The following SLC2A9 variants were observed in gnomAD, a reference collection of about 807,000 sequenced individuals.
SLC2A9 encodes solute carrier family 2 member 9.
In SLC2A9, 39 loss-of-function variants were observed where a neutral mutation model predicts 50.6. That is an observed-to-expected ratio of 0.77 (90% CI 0.60 to 1.01). SLC2A9 has a LOEUF of 1.01. SLC2A9 is among the 50% of genes least tolerant of loss of function. SLC2A9 has a pLI of 0.00. For synonymous variants in SLC2A9, 324 were observed against 276.9 expected, an observed-to-expected ratio of 1.17 and a Z score of -1.69; for missense variants, 686 against 677.6, an observed-to-expected ratio of 1.01 and a Z score of -0.14.
chr4:9,965,852 A>G (rs1245192199), intron 5 of SLC2A9, among the ~76,000 whole-genome samples: 1 of 152,234 alleles, frequency 6.6e-6, no homozygotes, highest in South Asian at 2.1e-4. Context: ...AATTAATGAC[A>G]TCAACTCAAA....
chr4:9,808,816 T>C (rs1722470308), intron 3 of SLC2A9, among the ~76,000 whole-genome samples: 1 of 152,202 alleles, frequency 6.6e-6, no homozygotes, highest in Admixed American at 6.5e-5. Flanking sequence ...CTCTGTCCTA[T>C]GTGGACTTGG....
At chr4:9,905,523 G>A (rs1740500231) in intron 8 of SLC2A9, among the ~76,000 whole-genome samples, 1 of 152,196 alleles carries the variant, frequency 6.6e-6, no homozygotes, top group South Asian at 2.1e-4. Context: ...TCTGATTTTA[G>A]AAAGGACTCT....
At chr4:10,007,482 C>A (rs1201273768) in intron 2 of SLC2A9, among the ~76,000 whole-genome samples, 1 of 152,200 alleles carries the variant, frequency 6.6e-6, no homozygotes, top group East Asian at 1.9e-4. Flanking sequence ...TTCCCCTCAG[C>A]CACCTTTGCA....
intron 1 of SLC2A9, chr4:10,035,135 C>G (rs982776150): frequency 3.3e-5 from 5 of 152,254 alleles, no homozygotes; most frequent in African/African-American, 4.8e-5. Flanking sequence ...ACTGCCACCC[C>G]GCAGGTTTCC....
intron 5 of SLC2A9, among the ~76,000 whole-genome samples, chr4:9,944,070 G>T (rs889718121): frequency 2.6e-5 from 4 of 152,222 alleles, no homozygotes; most frequent in African/African-American, 4.8e-5. Flanking sequence ...TTTTGGAGCT[G>T]CCACTGGGTG....
intron 5 of SLC2A9, among the ~76,000 whole-genome samples, chr4:9,955,590 T>G (rs1751109288): frequency 6.6e-6 from 1 of 152,062 alleles, no homozygotes. Flanking sequence ...AAGTGTACTT[T>G]ACTTCCTTTC....
chr4:9,898,694 T>G (rs55801162), intron 8 of SLC2A9, among the ~76,000 whole-genome samples: 32,046 of 152,184 alleles, frequency 0.21, 3,848 homozygotes, highest in African/African-American at 0.33. Flanking sequence ...CTTGCCTGGC[T>G]TGATGCTTCT....
chr4:9,872,757 C>T (rs182611868), intron 10 of SLC2A9, among the ~76,000 whole-genome samples: 13 of 152,330 alleles, frequency 8.5e-5, no homozygotes, highest in East Asian at 3.9e-4. Context: ...GAATTCACTA[C>T]GCAGACATGA....
chr4:10,025,862 G>A (rs112585359), upstream of SLC2A9: 364 of 1,597,416 alleles, frequency 2.3e-4, 1 homozygote, highest in African/African-American at 3.7e-3. Context: ...CTGGGTGACC[G>A]GAATAATCAT....
chr4:9,907,253 C>A (rs1740851896), intron 8 of SLC2A9, among the ~76,000 whole-genome samples: 1 of 152,232 alleles, frequency 6.6e-6, no homozygotes, highest in African/African-American at 2.4e-5. Flanking sequence ...AGAAGAGACA[C>A]AAGCATTTCA....
intron 3 of SLC2A9, among the ~76,000 whole-genome samples, chr4:9,994,532 T>C (rs935817716): frequency 6.6e-6 from 1 of 151,714 alleles, no homozygotes; most frequent in African/African-American, 2.4e-5. Flanking sequence ...GAAGGTATTT[T>C]CAAAGTTGTT....
chr4:9,978,812 T>C (rs147941067), intron 5 of SLC2A9, among the ~76,000 whole-genome samples: 19 of 152,350 alleles, frequency 1.2e-4, no homozygotes, highest in African/African-American at 4.3e-4. Flanking sequence ...GTGACCTCGA[T>C]TGGCTGAAAT....
chr4:9,836,167 G>C (rs1003197238), intron 10 of SLC2A9, among the ~76,000 whole-genome samples: 1 of 151,204 alleles, frequency 6.6e-6, no homozygotes, highest in East Asian at 1.9e-4. Flanking sequence ...TGGGAGGGGG[G>C]TGAGTTATAA....
chr4:9,842,515 A>G (rs1728239678), intron 10 of SLC2A9, among the ~76,000 whole-genome samples: 1 of 152,210 alleles, frequency 6.6e-6, no homozygotes, highest in African/African-American at 2.4e-5. Context: ...TCGGAAACTG[A>G]AATTTCAGGG....
chr4:9,822,416 T>C (rs745850329), downstream of SLC2A9, among the ~76,000 whole-genome samples: 15 of 152,218 alleles, frequency 9.9e-5, no homozygotes, highest in South Asian at 2.1e-4. Context: ...TCTAGCTCAA[T>C]TGACCCATTT....
At position 10,019,011 on chromosome 4, in the gene SLC2A9, G is replaced by A. The variant is rs776747411; in HGVS notation, c.213C>T (p.Tyr71=). 3.9e-6 allele frequency: 6 copies of A among 1,550,776 alleles called. No individual in the cohort carries two copies. Among genetic ancestry groups the A allele is most frequent in the South Asian group, 2.4e-5 (2 of 84,034 alleles). Residue 71 remains tyrosine, a synonymous_variant, in exon 2 of 12, where the codon TAC becomes TAT. Coordinates refer to ENST00000264784, the MANE Select transcript of SLC2A9 (RefSeq NM_020041.3). ...LAGAFGSSFL[Y]GYNLSVVNAP... is the part of the protein sequence containing the mutation. ...CATTCACCACCGACAGGTTGTAGCCGTAGAGGAAGGAGGAGCCGAAGGCGC... is the reference window on the plus strand; with the variant it reads ...CATTCACCACCGACAGGTTGTAGCCATAGAGGAAGGAGGAGCCGAAGGCGC...
At chr4:9,935,632 T>C (rs1217617143) in intron 6 of SLC2A9, among the ~76,000 whole-genome samples, 1 of 152,222 alleles carries the variant, frequency 6.6e-6, no homozygotes, top group Admixed American at 6.5e-5. Context: ...CCACAGTCTC[T>C]CTGCACCTGC....
chr4:9,879,896 G>C (rs1443606608), intron 10 of SLC2A9: 1 of 985,398 alleles, frequency 1.0e-6, no homozygotes. Flanking sequence ...TATGCAGCAG[G>C]AAACTGCCTC....
intron 11 of SLC2A9, among the ~76,000 whole-genome samples, chr4:9,828,938 G>T (rs1725576194): frequency 6.6e-6 from 1 of 152,190 alleles, no homozygotes; most frequent in South Asian, 2.1e-4. Context: ...TTAGTGAGTG[G>T]ATGGATGGAC....
Sources: allele counts gnomAD v4.1 joint callset (sites outside exome capture counted in the v4.1 genomes callset), GRCh38; gene constraint gnomAD v4.1.1; transcripts MANE v1.5; gene names NCBI Gene and HGNC (gene_info 2026-07-23, HGNC 2026-07-21).